RPS6KA2: variants seen among roughly 807,000 people sequenced by gnomAD.
RPS6KA2 encodes the protein ribosomal protein S6 kinase A2, also known as ribosomal protein S6 kinase alpha-2.
RPS6KA2 carries 42 observed loss-of-function variants against 91.8 expected under a neutral mutation model. The observed-to-expected ratio is 0.46, with a 90% CI of 0.36 to 0.59. The LOEUF is 0.59. RPS6KA2 is among the 20% of genes least tolerant of loss of function. RPS6KA2 has a pLI of 0.00. For missense variants in RPS6KA2, 798 were observed against 978.5 expected (o/e 0.82, Z 2.46); for synonymous variants, 414 against 393.6 (o/e 1.05, Z -0.61).
chr6:166,816,154 T>C (rs1380725063), intron 2 of RPS6KA2, among the ~76,000 whole-genome samples: 1 of 152,148 alleles, frequency 6.6e-6, no homozygotes, highest in African/African-American at 2.4e-5. Context: ...TCCTGCTTCG[T>C]TCTCCACAAC....
At chr6:166,505,773 T>C (rs1031165306) in intron 5 of RPS6KA2, among the ~76,000 whole-genome samples, 13 of 152,194 alleles carry the variant, frequency 8.5e-5, no homozygotes, top group African/African-American at 2.7e-4. Flanking sequence ...CCGTCCTCCA[T>C]TCCACGCTTG....
chr6:166,750,721 G>C (rs949043647), intron 2 of RPS6KA2, among the ~76,000 whole-genome samples: 2 of 152,174 alleles, frequency 1.3e-5, no homozygotes, highest in African/African-American at 4.8e-5. Flanking sequence ...ACATTGCCAC[G>C]GAAGTCTCCA....
intron 1 of RPS6KA2, among the ~76,000 whole-genome samples, chr6:166,616,408 C>T (rs899066809): frequency 5.3e-5 from 8 of 152,210 alleles, no homozygotes; most frequent in South Asian, 2.1e-4. Flanking sequence ...TAACGGGACC[C>T]GCCCTGCTCA....
chr6:166,725,939 T>C (rs1322142819), intron 2 of RPS6KA2, among the ~76,000 whole-genome samples: 1 of 152,202 alleles, frequency 6.6e-6, no homozygotes, highest in African/African-American at 2.4e-5. Context: ...GAGGCAGCTT[T>C]TGGGGAACCG....
intron 1 of RPS6KA2, among the ~76,000 whole-genome samples, chr6:166,589,966 G>C (rs1278047317): frequency 6.6e-6 from 1 of 152,090 alleles, no homozygotes; most frequent in African/African-American, 2.4e-5. Flanking sequence ...CAGAAAACAA[G>C]AACAGGAAGG....
chr6:166,441,407 C>T (rs1297094869), intron 14 of RPS6KA2, among the ~76,000 whole-genome samples: 1 of 152,154 alleles, frequency 6.6e-6, no homozygotes, highest in Non-Finnish European at 1.5e-5. Context: ...CATTTTGATC[C>T]CTAAAGACAG....
At chr6:166,674,215 A>C (rs1260869400) in intron 2 of RPS6KA2, among the ~76,000 whole-genome samples, 2 of 152,260 alleles carry the variant, frequency 1.3e-5, no homozygotes, top group East Asian at 3.8e-4. Flanking sequence ...GGAAAGCAAC[A>C]TAATGCATTC....
At chr6:166,680,205 T>C (rs1260489491) in intron 2 of RPS6KA2, among the ~76,000 whole-genome samples, 1 of 152,214 alleles carries the variant, frequency 6.6e-6, no homozygotes, top group Non-Finnish European at 1.5e-5. Flanking sequence ...AGAACTTTTG[T>C]GTCTAACTAA....
intron 2 of RPS6KA2, among the ~76,000 whole-genome samples, chr6:166,752,811 T>A (rs58310795): frequency 6.6e-6 from 1 of 152,332 alleles, no homozygotes; most frequent in East Asian, 1.9e-4. Flanking sequence ...TGTTGCTGGT[T>A]TCTTGGTAAA....
chr6:166,728,809 G>A (rs1231806675), intron 2 of RPS6KA2, among the ~76,000 whole-genome samples: 1 of 152,080 alleles, frequency 6.6e-6, no homozygotes, highest in African/African-American at 2.4e-5. Flanking sequence ...TGGAGGGGTC[G>A]GGCACCCGCC....
chr6:166,578,708 C>G (rs1004022939), intron 1 of RPS6KA2, among the ~76,000 whole-genome samples: 4 of 152,210 alleles, frequency 2.6e-5, no homozygotes, highest in Non-Finnish European at 4.4e-5. Flanking sequence ...ACCAGCAGGG[C>G]TGCTCACAGG....
Position 166,774,882 on chromosome 6 carries a change from G to C in RPS6KA2, c.123+83318C>G, listed in dbSNP as rs7758315. 8.6e-3 allele frequency among the ~76,000 whole-genome samples: 1,277 copies of C among 147,790 alleles called. 26 individuals are homozygous for C. The highest frequency in any genetic ancestry group is 0.031 in the African/African-American group (1,162 of 37,372). On this transcript the variant is annotated intron_variant, in intron 2 of 21. Transcript: ENST00000503859. ...TCTTGTCTGTGACCTCTGAGGAGTC[G>C]GATCCCCAGGTGCTTCAATAGCTCT...
rs1441754470 is a variant in RPS6KA2, at chr6:166,627,145, G to A, written c.-126C>T. On this transcript the variant is annotated 5_prime_UTR_variant, in exon 1 of 21. Transcript: ENST00000265678. ...GGAGCCCGGCACGGCGGCCATGGGC[G>A]CGGGGCGTGGGGCGCGAGCTGCGGT... 2 of 1,126,390 alleles carry A rather than the reference G, an allele frequency of 1.8e-6. No homozygotes were observed. Among genetic ancestry groups the A allele is most frequent in the Non-Finnish European group, 2.2e-6 (2 of 920,882 alleles). The allele number at this position is 1,126,390 out of a possible 1,614,324, so 69.8% of individuals were successfully genotyped here.
chr6:166,485,081 C>G (rs115059470), intron 10 of RPS6KA2, among the ~76,000 whole-genome samples: 3,040 of 152,302 alleles, frequency 0.02, 105 homozygotes, highest in African/African-American at 0.069. Flanking sequence ...TCGGAGCTGT[C>G]CACCCACCCT....
intron 2 of RPS6KA2, among the ~76,000 whole-genome samples, chr6:166,676,082 G>A (rs1271262652): frequency 6.6e-6 from 1 of 152,078 alleles, no homozygotes; most frequent in African/African-American, 2.4e-5. Context: ...TTGGGAGGCC[G>A]AGGGGGGATG....
intron 2 of RPS6KA2, among the ~76,000 whole-genome samples, chr6:166,647,435 T>G (rs776536774): frequency 6.6e-6 from 1 of 152,216 alleles, no homozygotes; most frequent in Non-Finnish European, 1.5e-5. Flanking sequence ...CTCCCCAATC[T>G]GTCTGCACCG....
intron 2 of RPS6KA2, among the ~76,000 whole-genome samples, chr6:166,668,717 T>TAAATGGAC (rs1338135937): frequency 6.6e-6 from 1 of 151,996 alleles, no homozygotes; most frequent in Non-Finnish European, 1.5e-5. Flanking sequence ...GCAGGCAAAA[T>TAAATGGAC]AAATGGACAT....
chr6:166,634,806 T>C (rs1399759771), intron 2 of RPS6KA2, among the ~76,000 whole-genome samples: 4 of 152,160 alleles, frequency 2.6e-5, no homozygotes, highest in African/African-American at 7.2e-5. Context: ...TTTGCCATGT[T>C]GACCAGGCTG....
chr6:166,609,299 A>G (rs965805250), intron 1 of RPS6KA2, among the ~76,000 whole-genome samples: 5 of 152,148 alleles, frequency 3.3e-5, no homozygotes, highest in African/African-American at 1.2e-4. Flanking sequence ...TCCGGGTGTG[A>G]GATAAATGGC....
Sources: allele counts gnomAD v4.1 joint callset (sites outside exome capture counted in the v4.1 genomes callset), GRCh38; gene constraint gnomAD v4.1.1; transcripts MANE v1.5; gene names NCBI Gene and HGNC (gene_info 2026-07-23, HGNC 2026-07-21).